The following WDR27 variants were observed in gnomAD, a reference collection of about 807,000 sequenced individuals.
The protein encoded by WDR27 is WD repeat domain 27.
Under a neutral mutation model 114.4 loss-of-function variants are expected in WDR27, and 100 were observed. The observed-to-expected ratio is 0.87, with a 90% confidence interval of 0.74 to 1.03. WDR27 has a LOEUF of 1.03. Ranked by LOEUF, WDR27 falls within the 50% of genes least tolerant of loss-of-function variation. WDR27 has a pLI of 0.00. For synonymous variants in WDR27, 449 were observed against 423.1 expected, an observed-to-expected ratio of 1.06 and a Z score of -0.75; for missense variants, 1,129 against 1,092.9, an observed-to-expected ratio of 1.03 and a Z score of -0.47.
chr6:169,700,529 C>G (rs775257544), intron 1 of WDR27, among the ~76,000 whole-genome samples: 3 of 152,224 alleles, frequency 2.0e-5, no homozygotes, highest in Non-Finnish European at 2.9e-5. Context: ...CCTGCACTGC[C>G]TCTCTTCTTT....
chr6:169,527,929 G>A (rs1795135741), intron 25 of WDR27, among the ~76,000 whole-genome samples: 1 of 152,004 alleles, frequency 6.6e-6, no homozygotes, highest in South Asian at 2.1e-4. Flanking sequence ...TTAAGAAATA[G>A]ACCAAATAAT....
At chr6:169,521,751 T>C (rs1794410330) in intron 25 of WDR27, among the ~76,000 whole-genome samples, 1 of 152,070 alleles carries the variant, frequency 6.6e-6, no homozygotes, top group South Asian at 2.1e-4. Context: ...TTATTATATC[T>C]ATGTGTTTTG....
intron 1 of WDR27, among the ~76,000 whole-genome samples, chr6:169,700,181 G>A (rs1787499724): frequency 1.3e-5 from 2 of 152,174 alleles, no homozygotes; most frequent in Non-Finnish European, 2.9e-5. Flanking sequence ...TTAGTGGGGA[G>A]AGCAACTAGT....
At position 169,526,341 on chromosome 6, in the gene WDR27, G is replaced by A. The variant is rs369673706; in HGVS notation, c.2645+46078C>T. 1.4e-4 allele frequency among the ~76,000 whole-genome samples: 22 copies of A among 152,252 alleles called. No individual in the cohort carries two copies. In the South Asian group the frequency reaches 2.5e-3, roughly 17 times the overall value. On this transcript the variant is annotated intron_variant, in intron 25 of 25. Coordinates refer to ENST00000448612, the MANE Select transcript of WDR27 (RefSeq NM_182552.5). ...AAAATAAGCATCCAAGGCCAGGCGC[G>A]GTGGCTCGCACCTGTAATCTCAGCA...
At chr6:169,573,186 A>G (rs1376793147) in intron 24 of WDR27, among the ~76,000 whole-genome samples, 10 of 152,052 alleles carry the variant, frequency 6.6e-5, no homozygotes. Context: ...GAACCCCCCA[A>G]GTTTCTACAT....
the WDR27 span, among the ~76,000 whole-genome samples, chr6:169,431,752 T>C: frequency 6.6e-6 from 1 of 152,244 alleles, no homozygotes; most frequent in Admixed American, 6.5e-5. Context: ...GCCAAGATAG[T>C]ACCTCCGTCC....
chr6:169,550,433 A>T (rs914690767), intron 25 of WDR27, among the ~76,000 whole-genome samples: 1 of 151,882 alleles, frequency 6.6e-6, no homozygotes, highest in African/African-American at 2.4e-5. Context: ...TTATTTATTT[A>T]TTTTGAGATA....
At chr6:169,636,230 T>C in intron 19 of WDR27, 141 bp downstream of exon 19, 1 of 989,092 alleles carries the variant, frequency 1.0e-6, no homozygotes, top group Non-Finnish European at 1.5e-6. Context: ...TCTGGATAAT[T>C]CCCTCTCATC....
chr6:169,523,750 TA>T (rs1039160661), intron 25 of WDR27, among the ~76,000 whole-genome samples: 1 of 152,090 alleles, frequency 6.6e-6, no homozygotes, highest in Non-Finnish European at 1.5e-5. Flanking sequence ...CTTTTATGAT[TA>T]AAAAAACCCT....
At chr6:169,448,354 TTCTC>T in the WDR27 span, among the ~76,000 whole-genome samples, 8 of 149,728 alleles carry the variant, frequency 5.3e-5, no homozygotes, top group Non-Finnish European at 8.9e-5. Flanking sequence ...GTTGTTGATT[TTCTC>T]TCTCTCTCTC....
At chr6:169,564,081 G>A (rs944343174) in intron 25 of WDR27, among the ~76,000 whole-genome samples, 3 of 152,202 alleles carry the variant, frequency 2.0e-5, no homozygotes, top group Non-Finnish European at 4.4e-5. Flanking sequence ...CTCAAAAGTA[G>A]GGAAGCAAAC....
At chr6:169,621,541 CATAT>C (rs1275402121) in intron 21 of WDR27, among the ~76,000 whole-genome samples, 5 of 149,858 alleles carry the variant, frequency 3.3e-5, no homozygotes, top group African/African-American at 9.9e-5. Context: ...CACACGCACG[CATAT>C]ACATACACAC....
intron 1 of WDR27, among the ~76,000 whole-genome samples, chr6:169,700,926 G>T (rs1347692015): frequency 6.6e-6 from 1 of 152,100 alleles, no homozygotes; most frequent in Non-Finnish European, 1.5e-5. Context: ...AACAAGTCAG[G>T]GAAAATAAAC....
chr6:169,596,787 C>A (rs78456978), intron 23 of WDR27, among the ~76,000 whole-genome samples: 2,093 of 152,164 alleles, frequency 0.014, 54 homozygotes, highest in African/African-American at 0.048. Flanking sequence ...ATATTTTAAA[C>A]ACATAGTATT....
chr6:169,446,289 G>C, the WDR27 span, among the ~76,000 whole-genome samples: 1 of 152,180 alleles, frequency 6.6e-6, no homozygotes, highest in African/African-American at 2.4e-5. Context: ...GAGGCAGGGT[G>C]GGGGGACTTC....
the WDR27 span, among the ~76,000 whole-genome samples, chr6:169,437,702 A>C: frequency 1.3e-5 from 2 of 152,138 alleles, no homozygotes; most frequent in African/African-American, 4.8e-5. Flanking sequence ...ATTATATAGA[A>C]ATTTTGAATT....
At chr6:169,637,891 T>G (rs1818059040) in intron 18 of WDR27, among the ~76,000 whole-genome samples, 1 of 152,082 alleles carries the variant, frequency 6.6e-6, no homozygotes, top group African/African-American at 2.4e-5. Context: ...CGTATGTGTA[T>G]GCATCTATAT....
At chr6:169,581,195 T>C (rs528703398) in intron 24 of WDR27, among the ~76,000 whole-genome samples, 1 of 152,202 alleles carries the variant, frequency 6.6e-6, no homozygotes, top group South Asian at 2.1e-4. Flanking sequence ...CCAACCTTTT[T>C]CTCACTGAAA....
At chr6:169,678,132 T>C (rs1358930985) in intron 2 of WDR27, among the ~76,000 whole-genome samples, 2 of 152,188 alleles carry the variant, frequency 1.3e-5, no homozygotes, top group African/African-American at 4.8e-5. Context: ...GGCACCATCA[T>C]CCAGACCCCA....
Sources: gnomAD v4.1 joint callset for allele counts (sites outside exome capture counted in the v4.1 genomes callset) on GRCh38, gnomAD v4.1.1 for gene constraint, MANE v1.5 for transcripts, NCBI Gene and HGNC (gene_info 2026-07-23, HGNC 2026-07-21) for gene names.